Variants in ACTR3C observed in about 807,000 individuals in gnomAD.
The protein encoded by ACTR3C is actin related protein 3C, also known as actin-related protein 3C.
Under a neutral mutation model 26.3 loss-of-function variants are expected in ACTR3C, and 18 were observed. The ratio of observed to expected loss-of-function variants is 0.68; its 90% CI spans 0.47 to 1.01. The LOEUF is 1.01. Ranked by LOEUF, ACTR3C falls within the 50% of genes least tolerant of loss-of-function variation. The probability of loss-of-function intolerance (pLI) is 0.00; values close to 1 mark genes in which losing one functional copy is unlikely to be tolerated. For synonymous variants in ACTR3C, 55 were observed against 94.5 expected (o/e 0.58, Z 2.42); for missense variants, 184 against 250.7 (o/e 0.73, Z 1.80).
At chr7:150,041,799 C>G in the ACTR3C span, among the ~76,000 whole-genome samples, 1 of 139,462 alleles carries the variant, frequency 7.2e-6, no homozygotes, top group Non-Finnish European at 1.6e-5. Flanking sequence ...CGGGGGGTGC[C>G]TCCCCCCCTG....
the ACTR3C span, among the ~76,000 whole-genome samples, chr7:149,919,602 G>A: frequency 2.0e-5 from 3 of 151,814 alleles, no homozygotes; most frequent in Non-Finnish European, 2.9e-5. Flanking sequence ...TGACTTATAT[G>A]TAACTACCAT....
the ACTR3C span, among the ~76,000 whole-genome samples, chr7:150,132,559 G>A: frequency 8.0e-5 from 12 of 150,084 alleles, no homozygotes; most frequent in African/African-American, 1.0e-4. Context: ...ATGACATACC[G>A]TCTCATGCAC....
chr7:150,304,106 G>A (rs1324838092), intron 1 of ACTR3C, among the ~76,000 whole-genome samples: 1 of 152,220 alleles, frequency 6.6e-6, no homozygotes, highest in Non-Finnish European at 1.5e-5. Flanking sequence ...TAGGAGAGGA[G>A]GCGACAATAT....
the ACTR3C span, among the ~76,000 whole-genome samples, chr7:150,091,987 CAAAAAAAAAAAAAAAAAAAA>C: frequency 1.0e-4 from 2 of 19,408 alleles, no homozygotes; most frequent in African/African-American, 1.4e-4. Flanking sequence ...GACTCCGTCT[CAAAAAAAAAAAAAAAAAAAA>C]AAAAAAAAAA....
At chr7:150,193,953 A>AT in the ACTR3C span, among the ~76,000 whole-genome samples, 3 of 147,714 alleles carry the variant, frequency 2.0e-5, no homozygotes, top group African/African-American at 7.6e-5. Context: ...TGCTTTAAAA[A>AT]AATATATATA....
chr7:150,289,207 C>T (rs545193144), intron 4 of ACTR3C, among the ~76,000 whole-genome samples: 164 of 152,064 alleles, frequency 1.1e-3, no homozygotes, highest in Admixed American at 4.6e-3. Flanking sequence ...TGCCTCTGCA[C>T]GCTGGTACGC....
At chr7:149,912,428 G>A in the ACTR3C span, among the ~76,000 whole-genome samples, 2 of 151,314 alleles carry the variant, frequency 1.3e-5, no homozygotes, top group Non-Finnish European at 3.0e-5. Flanking sequence ...AAAGTCACAC[G>A]GGTACCTTAA....
intron 1 of ACTR3C, among the ~76,000 whole-genome samples, chr7:150,309,123 G>C (rs1260208212): frequency 1.3e-5 from 2 of 152,082 alleles, no homozygotes; most frequent in Non-Finnish European, 2.9e-5. Context: ...GATCCCCAAA[G>C]GGAATACCAG....
At chr7:149,987,357 G>C in the ACTR3C span, among the ~76,000 whole-genome samples, 2 of 150,264 alleles carry the variant, frequency 1.3e-5, no homozygotes, top group African/African-American at 4.9e-5. Context: ...CTTGAGGTCA[G>C]GAGTTCCAGA....
At chr7:150,307,604 G>A (rs374904506) in intron 1 of ACTR3C, among the ~76,000 whole-genome samples, 5 of 152,012 alleles carry the variant, frequency 3.3e-5, no homozygotes, top group Admixed American at 1.3e-4. Flanking sequence ...TCCCTTCGAC[G>A]CCTTTTTCAG....
the ACTR3C span, among the ~76,000 whole-genome samples, chr7:149,912,328 G>A: frequency 6.6e-6 from 1 of 151,988 alleles, no homozygotes; most frequent in Non-Finnish European, 1.5e-5. Context: ...AAACACTGAT[G>A]ATATGACTCA....
chr7:149,955,326 C>T, the ACTR3C span, among the ~76,000 whole-genome samples: 1 of 152,214 alleles, frequency 6.6e-6, no homozygotes, highest in Non-Finnish European at 1.5e-5. Flanking sequence ...CAGGCATCAC[C>T]TGCATCGACT....
the ACTR3C span, among the ~76,000 whole-genome samples, chr7:150,085,218 A>G: frequency 9.3e-4 from 142 of 152,302 alleles, 1 homozygote; most frequent in African/African-American, 3.3e-3. Flanking sequence ...TTCACTTACG[A>G]AGATAAGGCT....
the ACTR3C span, among the ~76,000 whole-genome samples, chr7:150,056,121 G>A: frequency 2.6e-5 from 4 of 152,192 alleles, no homozygotes; most frequent in East Asian, 1.9e-4. Context: ...TAGGTAGATC[G>A]GTAGCTTTTC....
At chr7:150,302,819 A>G (rs1298783010) in intron 1 of ACTR3C, 2 of 151,938 alleles carry the variant, frequency 1.3e-5, no homozygotes, top group Non-Finnish European at 2.9e-5. Context: ...TTCCTAATGT[A>G]TTTTATCCAC....
the ACTR3C span, among the ~76,000 whole-genome samples, chr7:150,146,945 G>A: frequency 6.6e-6 from 1 of 152,302 alleles, no homozygotes; most frequent in South Asian, 2.1e-4. Context: ...CTTAAGTCAT[G>A]TACCCATCAA....
At chr7:150,243,807 T>G (rs1156928959), downstream of ACTR3C, 1 of 152,078 alleles carries the variant, frequency 6.6e-6, no homozygotes, top group African/African-American at 2.4e-5. Flanking sequence ...CATACTTGTT[T>G]TTTAAAATAT....
At chr7:149,971,529 A>G in the ACTR3C span, among the ~76,000 whole-genome samples, 1 of 152,264 alleles carries the variant, frequency 6.6e-6, no homozygotes, top group African/African-American at 2.4e-5. Context: ...ATTTAATAAA[A>G]GTAAAAGGAA....
At chr7:149,994,802 GA>G in the ACTR3C span, among the ~76,000 whole-genome samples, 1 of 151,322 alleles carries the variant, frequency 6.6e-6, no homozygotes, top group Non-Finnish European at 1.5e-5. Flanking sequence ...AGTGACGAAG[GA>G]AGAAGTGAGT....
Sources: gnomAD v4.1 joint callset for allele counts (sites outside exome capture counted in the v4.1 genomes callset) on GRCh38, gnomAD v4.1.1 for gene constraint, MANE v1.5 for transcripts, NCBI Gene and HGNC (gene_info 2026-07-23, HGNC 2026-07-21) for gene names.